Variants in AHI1 observed in about 807,000 individuals in gnomAD.
AHI1 encodes the protein Abelson helper integration site 1, also known as jouberin.
Under a neutral mutation model 149.3 loss-of-function variants are expected in AHI1, and 123 were observed. The ratio of observed to expected loss-of-function variants is 0.82; its 90% CI spans 0.71 to 0.96. The LOEUF (loss-of-function observed/expected upper bound fraction) is 0.96, where lower values mean the gene tolerates loss of function less well. AHI1 is among the 40% of genes least tolerant of loss of function. The pLI is 0.00. For missense variants in AHI1, 1,439 were observed against 1,422.7 expected, an observed-to-expected ratio of 1.01 and a Z score of -0.18; for synonymous variants, 475 against 459.8, an observed-to-expected ratio of 1.03 and a Z score of -0.42.
chr6:135,368,710 C>T (rs901212085), intron 23 of AHI1, among the ~76,000 whole-genome samples: 8 of 152,034 alleles, frequency 5.3e-5, no homozygotes, highest in African/African-American at 1.9e-4. Context: ...TCACCCAGTT[C>T]CCATGCATCC....
intron 23 of AHI1, among the ~76,000 whole-genome samples, chr6:135,364,107 CG>C (rs1794481506): frequency 6.6e-6 from 1 of 151,388 alleles, no homozygotes; most frequent in South Asian, 2.1e-4. Flanking sequence ...AGGTGGCTGC[CG>C]GGCGGAGATG....
intron 26 of AHI1, chr6:135,301,902 G>A (rs1008214362): frequency 2.0e-6 from 2 of 985,216 alleles, no homozygotes; most frequent in Non-Finnish European, 2.4e-6. Flanking sequence ...ACCTCAGAAA[G>A]CACCATCATA....
chr6:135,346,392 G>C (rs1272854355), intron 24 of AHI1, among the ~76,000 whole-genome samples: 1 of 151,810 alleles, frequency 6.6e-6, no homozygotes, highest in East Asian at 1.9e-4. Context: ...AGTAGAGACG[G>C]GGTCTCAGTG....
intron 22 of AHI1, among the ~76,000 whole-genome samples, chr6:135,404,724 A>G (rs1184969610): frequency 6.6e-6 from 1 of 152,218 alleles, no homozygotes; most frequent in Non-Finnish European, 1.5e-5. Flanking sequence ...TCCATCACTT[A>G]GTATTCTTAA....
intron 23 of AHI1, among the ~76,000 whole-genome samples, chr6:135,377,435 C>T (rs551909759): frequency 1.3e-5 from 2 of 151,970 alleles, no homozygotes; most frequent in African/African-American, 4.8e-5. Context: ...TAAAATATTC[C>T]ACATAAGCAG....
At chr6:135,338,711 A>G (rs774341439) in intron 24 of AHI1, among the ~76,000 whole-genome samples, 11 of 152,156 alleles carry the variant, frequency 7.2e-5, no homozygotes, top group Non-Finnish European at 1.6e-4. Flanking sequence ...TGGAATTTTA[A>G]TTTTCTCTAT....
At position 135,433,125 on chromosome 6, in the gene AHI1, C is replaced by T. The variant is rs121434351; in HGVS notation, c.2168G>A (p.Arg723Gln). Residue 723 changes from arginine to glutamine, a missense_variant, in exon 16 of 29, where the codon CGG (arginine) becomes CAG (glutamine). By Grantham distance (43) the Arg-to-Gln change is conservative. Coordinates refer to ENST00000265602, the MANE Select transcript of AHI1 (RefSeq NM_001134831.2). ...VVTGCYDSMI[R>Q]IWKVEMREDS... The stretch of plus-strand genomic sequence containing the variant: ...TTCTCTCATCTCAACTTTCCATATC[C>T]GTATCATGGAATCATAGCATCCTGT... 13 of 1,613,060 alleles carry T rather than the reference C, an allele frequency of 8.1e-6. No homozygotes were observed. In the Admixed American group the frequency reaches 8.3e-5, roughly 10 times the overall value.
At chr6:135,291,108 C>T (rs1782301744) in intron 27 of AHI1, among the ~76,000 whole-genome samples, 2 of 151,440 alleles carry the variant, frequency 1.3e-5, no homozygotes, top group African/African-American at 4.9e-5. Context: ...TGTAGTAATG[C>T]ACTTTATATT....
chr6:135,294,775 T>C (rs1023025361), intron 27 of AHI1, among the ~76,000 whole-genome samples: 26 of 140,264 alleles, frequency 1.9e-4, no homozygotes, highest in Admixed American at 1.8e-3. Context: ...ATATCACACA[T>C]ACAAACTAAC....
rs199726208 is a variant in AHI1 at position 135,413,478 on chromosome 6, G to GAA, written c.2765-1936_2765-1935dup. Among the ~76,000 whole-genome samples the GAA allele has an allele frequency of 2.9e-4, 41 of 141,826 alleles. No homozygotes were observed. The East Asian group carries it at 3.1e-3, about 11-fold the overall frequency. 93.0% of individuals were successfully genotyped at this position (141,826 alleles called of 152,430 possible). ...CAAAAAATGGACAAACTGTATAAAA[G>GAA]AAAAAAAAAAAACTGTCTTTGCAGA... is the stretch of plus-strand genomic sequence containing the variant. On this transcript the variant is annotated intron_variant, in intron 20 of 28. Coordinates refer to ENST00000265602, the MANE Select transcript of AHI1 (RefSeq NM_001134831.2).
chr6:135,432,712 T>A (rs1055253849), intron 16 of AHI1, among the ~76,000 whole-genome samples: 1 of 152,150 alleles, frequency 6.6e-6, no homozygotes, highest in African/African-American at 2.4e-5. Context: ...CTTCTATATG[T>A]TTGCAAATTT....
At chr6:135,384,488 G>A (rs974544560) in intron 23 of AHI1, among the ~76,000 whole-genome samples, 6 of 151,998 alleles carry the variant, frequency 3.9e-5, no homozygotes, top group East Asian at 1.9e-4. Flanking sequence ...TCTGACCTCC[G>A]GCTAAGTGCT....
chr6:135,338,300 C>CAAAA (rs199794648), intron 24 of AHI1, among the ~76,000 whole-genome samples: 9 of 94,494 alleles, frequency 9.5e-5, no homozygotes, highest in East Asian at 3.0e-4. Flanking sequence ...AACTCCATCT[C>CAAAA]AAAAAAAAAA....
intron 5 of AHI1, 116 bp downstream of exon 5, chr6:135,490,507 C>T (rs1461114989): frequency 8.4e-7 from 1 of 1,187,522 alleles, no homozygotes; most frequent in East Asian, 2.3e-5. Context: ...TTGACCATGA[C>T]ATAGTGTTAC....
intron 24 of AHI1, among the ~76,000 whole-genome samples, chr6:135,342,024 A>G (rs915367045): frequency 6.6e-6 from 1 of 151,966 alleles, no homozygotes; most frequent in Non-Finnish European, 1.5e-5. Flanking sequence ...CGAAAGATCA[A>G]GAAAATTGAC....
rs145638973 is a variant in AHI1 at position 135,405,667 on chromosome 6, T to C, written c.2962-690A>G. 3.0e-3 allele frequency among the ~76,000 whole-genome samples: 449 copies of C among 151,862 alleles called. 6 individuals carry two copies. The highest frequency in any genetic ancestry group is 0.014 in the Middle Eastern group (4 of 294). On this transcript the variant is annotated intron_variant, in intron 21 of 28. Transcript: ENST00000265602. ...CGAGGTCAAGAGATCGAGACCATCC[T>C]GGGCCAACGTGGTGAAACCCCATCT...
intron 24 of AHI1, among the ~76,000 whole-genome samples, chr6:135,342,105 AAAG>A (rs796103388): frequency 7.2e-5 from 11 of 152,066 alleles, no homozygotes; most frequent in African/African-American, 2.4e-4. Context: ...ATCAGGAATG[AAAG>A]AAGAAGTATC....
At chr6:135,302,210 G>T in intron 26 of AHI1, 2 of 985,288 alleles carry the variant, frequency 2.0e-6, no homozygotes, top group Non-Finnish European at 2.4e-6. Context: ...GGCAAGACCA[G>T]CAACTTACCA....
intron 26 of AHI1, among the ~76,000 whole-genome samples, chr6:135,307,756 A>G (rs1201673049): frequency 1.3e-5 from 2 of 150,904 alleles, no homozygotes; most frequent in Admixed American, 6.6e-5. Flanking sequence ...ATTTATATAT[A>G]TTATACATAA....
Sources: allele counts gnomAD v4.1 joint callset (sites outside exome capture counted in the v4.1 genomes callset), GRCh38; gene constraint gnomAD v4.1.1; transcripts MANE v1.5; gene names NCBI Gene and HGNC (gene_info 2026-07-23, HGNC 2026-07-21).